Variants in MYO5C observed in about 807,000 individuals in gnomAD.
MYO5C encodes myosin VC, also known as unconventional myosin-Vc.
A neutral mutation model predicts 235.7 loss-of-function variants in MYO5C; 194 were observed. The ratio of observed to expected loss-of-function variants is 0.82; its 90% CI spans 0.73 to 0.93. The LOEUF (loss-of-function observed/expected upper bound fraction) is 0.93. Among genes scored for constraint, MYO5C ranks in the 40% least tolerant of loss-of-function variants. The probability of loss-of-function intolerance (pLI) is 0.00; values close to 1 mark genes in which losing one functional copy is unlikely to be tolerated. For synonymous variants in MYO5C, 707 were observed against 754.8 expected, an observed-to-expected ratio of 0.94 and a Z score of 1.04; for missense variants, 2,038 against 2,127.2, an observed-to-expected ratio of 0.96 and a Z score of 0.82.
chr15:52,241,322 C>G (rs1461849122), intron 20 of MYO5C, among the ~76,000 whole-genome samples: 5 of 125,682 alleles, frequency 4.0e-5, no homozygotes, highest in African/African-American at 1.5e-4. Flanking sequence ...TGCAGTGGTG[C>G]AATCTTGGCT....
At chr15:52,271,877 C>T (rs372929170) in intron 6 of MYO5C, 33 bp from the exon 7 acceptor site, 2 of 1,456,306 alleles carry the variant, frequency 1.4e-6, no homozygotes, top group Admixed American at 3.8e-5. Context: ...CAAAATTACA[C>T]CAAATCCTTA....
At chr15:52,273,180 A>G (rs1282873895) in intron 5 of MYO5C, among the ~76,000 whole-genome samples, 1 of 152,136 alleles carries the variant, frequency 6.6e-6, no homozygotes, top group Non-Finnish European at 1.5e-5. Flanking sequence ...AAAATTAGAC[A>G]GGCATGGTGG....
chr15:52,277,920 AGACG>A, intron 4 of MYO5C: 1 of 456,052 alleles, frequency 2.2e-6, no homozygotes. Context: ...TCCAGCTCAC[AGACG>A]AAGACATAAA....
intron 33 of MYO5C, 122 bp downstream of exon 33, chr15:52,214,481 A>C (rs2035511116): frequency 1.4e-6 from 1 of 739,072 alleles, no homozygotes; most frequent in Non-Finnish European, 2.1e-6. Flanking sequence ...CTAGGTCACA[A>C]ACCTCACCAC....
intron 10 of MYO5C, 73 bp from the exon 11 acceptor site, chr15:52,256,793 G>C (rs1343231362): frequency 1.6e-6 from 2 of 1,214,990 alleles, no homozygotes; most frequent in African/African-American, 3.0e-5. Context: ...GATATTTTTT[G>C]ACACTTAAAA....
At chr15:52,294,108 GT>G (rs2037449726) in intron 1 of MYO5C, among the ~76,000 whole-genome samples, 5 of 152,224 alleles carry the variant, frequency 3.3e-5, no homozygotes. Flanking sequence ...TTCTTACATT[GT>G]GCCTGGTACT....
intron 19 of MYO5C, chr15:52,243,041 A>G (rs2141321918): frequency 6.6e-6 from 1 of 152,382 alleles, no homozygotes; most frequent in Middle Eastern, 3.4e-3. Context: ...AACACCTTCT[A>G]TGACAGCCAC....
In MYO5C at chr15:52,205,025, G is replaced by A; in HGVS notation, c.4660C>T (p.Gln1554Ter). The change falls in exon 38 of 41, where the codon CAG becomes TAG. Residue 1554 changes from glutamine to a stop codon, truncating the protein, a stop_gained. Coordinates refer to ENST00000261839, the MANE Select transcript of MYO5C (RefSeq NM_018728.4). LOFTEE classifies it high-confidence loss of function. ...DGYTMTSVLQQLSYFYTTMCQ... is the reference protein window; with the variant it reads ...DGYTMTSVLQ The stretch of plus-strand genomic sequence containing the variant: ...ATGGTGGTGTAAAAGTAGCTCAGCT[G>A]TTGCAGGACGGAGGTCATGGTGTAG... The A allele has an allele frequency of 6.2e-7, 1 of 1,614,220 alleles. No homozygotes were observed. The highest frequency in any genetic ancestry group is 8.5e-7 in the Non-Finnish European group (1 of 1,180,032).
At chr15:52,261,987 C>A (rs574422580) in intron 9 of MYO5C, among the ~76,000 whole-genome samples, 2 of 152,348 alleles carry the variant, frequency 1.3e-5, no homozygotes, top group South Asian at 4.1e-4. Flanking sequence ...TCTACCCACA[C>A]CCCCTGCTGA....
intron 11 of MYO5C, among the ~76,000 whole-genome samples, chr15:52,254,090 T>G (rs1214553950): frequency 2.0e-5 from 3 of 152,136 alleles, no homozygotes; most frequent in Non-Finnish European, 4.4e-5. Context: ...GAAACGCACC[T>G]CAAGCAGGTT....
chr15:52,196,765 T>C (rs548189355), intron 38 of MYO5C, among the ~76,000 whole-genome samples: 17 of 152,244 alleles, frequency 1.1e-4, no homozygotes, highest in African/African-American at 3.6e-4. Flanking sequence ...ATTTTGAAAA[T>C]TGATTAAAGG....
chr15:52,267,299 T>A (rs1288221242), intron 8 of MYO5C, among the ~76,000 whole-genome samples: 4 of 152,248 alleles, frequency 2.6e-5, no homozygotes, highest in African/African-American at 9.6e-5. Flanking sequence ...ACTATGCACC[T>A]GCTATGTGCT....
At chr15:52,235,899 G>A in intron 22 of MYO5C, 136 bp from the exon 23 acceptor site, 3 of 588,688 alleles carry the variant, frequency 5.1e-6, no homozygotes, top group South Asian at 4.7e-5. Flanking sequence ...AGATAACAGC[G>A]AGCACCAGCC....
intron 1 of MYO5C, among the ~76,000 whole-genome samples, chr15:52,284,608 C>A (rs375517436): frequency 2.6e-5 from 4 of 151,804 alleles, no homozygotes; most frequent in African/African-American, 9.7e-5. Context: ...AAATTTTACA[C>A]AAAAAATTAA....
rs2037030017 is a variant in MYO5C, at chr15:52,275,634, A to G, written c.534T>C (p.Phe178=). 4 of 1,614,218 alleles carry G rather than the reference A, an allele frequency of 2.5e-6. No homozygotes were observed. The highest frequency in any genetic ancestry group is 1.6e-4 in the Middle Eastern group (1 of 6,062). ...TVSARYAMRY[F]ATVSKSGSNA... is the part of the protein sequence containing the mutation. ...TGCTGCCCGATTTGCTGACGGTGGCAAAGTACCTCATGGCATAGCGAGCCG... is the reference window on the plus strand; with the variant it reads ...TGCTGCCCGATTTGCTGACGGTGGCGAAGTACCTCATGGCATAGCGAGCCG... Residue 178 remains phenylalanine (F), a synonymous_variant, in exon 5 of 41, where the codon TTT becomes TTC. Transcript: ENST00000261839.
rs1166781235 is a variant in MYO5C at position 52,205,855 on chromosome 15, A to C, written c.4498T>G (p.Phe1500Val). ...SDVAIRIYHQ[F>V]IIIMEKNIQP... ...ATATTCTTTTCCATTATGATAATAA[A>C]TTGATGATATATTCGTATAGCCACA... is the stretch of plus-strand genomic sequence containing the variant. Residue 1500 changes from phenylalanine to valine, a missense_variant, in exon 37 of 41, where the codon TTT (phenylalanine) becomes GTT (valine). Coordinates refer to ENST00000261839, the MANE Select transcript of MYO5C (RefSeq NM_018728.4). 6.3e-7 allele frequency: 1 copy of C among 1,588,458 alleles called. No individual in the cohort carries two copies. The highest frequency in any genetic ancestry group is 8.6e-7 in the Non-Finnish European group (1 of 1,164,014).
intron 20 of MYO5C, among the ~76,000 whole-genome samples, chr15:52,240,609 G>C (rs773869910): frequency 6.6e-6 from 1 of 151,536 alleles, no homozygotes; most frequent in Non-Finnish European, 1.5e-5. Context: ...GCTCACGCCT[G>C]TGGTCCCAGC....
chr15:52,290,412 C>T (rs1024135347), intron 1 of MYO5C, among the ~76,000 whole-genome samples: 4 of 151,908 alleles, frequency 2.6e-5, no homozygotes, highest in African/African-American at 9.7e-5. Context: ...AAAATCGTTA[C>T]GCTGAACTTT....
chr15:52,257,936 T>C (rs2036616944), intron 10 of MYO5C, among the ~76,000 whole-genome samples: 1 of 152,228 alleles, frequency 6.6e-6, no homozygotes, highest in Non-Finnish European at 1.5e-5. Flanking sequence ...AGCTCCAGGG[T>C]GATTCATAGC....
Sources: gnomAD v4.1 joint callset for allele counts (sites outside exome capture counted in the v4.1 genomes callset) on GRCh38, gnomAD v4.1.1 for gene constraint, MANE v1.5 for transcripts, NCBI Gene and HGNC (gene_info 2026-07-23, HGNC 2026-07-21) for gene names.